Variants in RECQL observed in about 807,000 individuals in gnomAD.
RECQL encodes the protein ATP-dependent DNA helicase Q1.
RECQL carries 73 observed loss-of-function variants against 75.8 expected under a neutral mutation model. The observed-to-expected ratio is 0.96, with a 90% confidence interval of 0.80 to 1.17. RECQL has a LOEUF of 1.17. Among genes scored for constraint, RECQL ranks in the 50% most tolerant of loss-of-function variants. The pLI, the probability that RECQL is intolerant of heterozygous loss-of-function variation, is 0.00. For synonymous variants in RECQL, 248 were observed against 254.4 expected, an observed-to-expected ratio of 0.97 and a Z score of 0.24; for missense variants, 699 against 772.1, an observed-to-expected ratio of 0.91 and a Z score of 1.12.
At chr12:21,475,643 A>G (rs759921601) in intron 9 of RECQL, 33 bp downstream of exon 9, 1 of 1,610,492 alleles carries the variant, frequency 6.2e-7, no homozygotes. Context: ...TTTTAAAGGT[A>G]AATTAGGCTT....
intron 6 of RECQL, among the ~76,000 whole-genome samples, chr12:21,478,634 G>C (rs149382779): frequency 6.6e-5 from 10 of 152,212 alleles, no homozygotes; most frequent in Non-Finnish European, 1.5e-4. Context: ...TCAGATAACA[G>C]CAAGCAGTTC....
chr12:21,491,520 T>G lies in RECQL; in HGVS notation c.213A>C (p.Glu71Asp). ...AAAAAAAAAAAAAAAAAAGTTAACC[T>G]TCTTTATTCCAAGCGGCAGGTGAAG... is the stretch of plus-strand genomic sequence containing the variant. ...YDSSPAAWNK[E>D]DFPWSGKVKD... The change falls in exon 3 of 15, where the codon GAA (glutamate) becomes GAC (aspartate). Residue 71 changes from glutamate (E) to aspartate (D), a missense_variant and splice_region_variant. This residue lies in a region of RECQL where 669 missense variants were observed against 713.5 expected (regional missense o/e 0.94). Coordinates refer to ENST00000444129, the MANE Select transcript of RECQL (RefSeq NM_002907.4). 3.2e-6 allele frequency: 5 copies of G among 1,567,238 alleles called. No homozygotes were observed. The highest frequency in any genetic ancestry group is 4.3e-6 in the Non-Finnish European group (5 of 1,164,618).
At chr12:21,475,233 T>C (rs1203282785) in intron 10 of RECQL, among the ~76,000 whole-genome samples, 1 of 151,968 alleles carries the variant, frequency 6.6e-6, no homozygotes, top group Non-Finnish European at 1.5e-5. Context: ...AATTAAAAAT[T>C]CAGGAGGCAA....
At chr12:21,476,531 C>T (rs143216464) in intron 8 of RECQL, among the ~76,000 whole-genome samples, 6 of 152,174 alleles carry the variant, frequency 3.9e-5, no homozygotes, top group East Asian at 1.9e-4. Flanking sequence ...ATTGCTTTAA[C>T]GTGTCCTTTA....
intron 8 of RECQL, 53 bp from the exon 9 acceptor site, chr12:21,475,877 T>C (rs1476426441): frequency 1.1e-5 from 15 of 1,419,568 alleles, no homozygotes; most frequent in Admixed American, 1.7e-5. Context: ...TCCTGGAAGA[T>C]GGTTTTCAAC....
chr12:21,491,433 A>G, intron 3 of RECQL, 86 bp downstream of exon 3: 2 of 1,318,722 alleles, frequency 1.5e-6, no homozygotes, highest in Non-Finnish European at 1.0e-6. Context: ...GCCTACTGGA[A>G]AGCACTGTCC....
Position 21,470,191 on chromosome 12 carries a change from A to T in RECQL, c.*3T>A, listed in dbSNP as rs368836874. On this transcript the variant is annotated 3_prime_UTR_variant, in exon 15 of 15. Coordinates refer to ENST00000444129, the MANE Select transcript of RECQL (RefSeq NM_002907.4). ...TTAATTAGAAAATTTAGTAACATTC[A>T]TATCAGGCATCATCGATTTTTCTTT... is the stretch of plus-strand genomic sequence containing the variant. The T allele has an allele frequency of 6.2e-7, 1 of 1,611,474 alleles. No individual in the cohort carries two copies. Among genetic ancestry groups the T allele is most frequent in the Non-Finnish European group, 8.5e-7 (1 of 1,178,432 alleles).
chr12:21,470,674 A>G (rs1388004770), intron 14 of RECQL: 15 of 305,742 alleles, frequency 4.9e-5, no homozygotes, highest in Non-Finnish European at 7.1e-5. Flanking sequence ...CTTCTCAACT[A>G]TTAGTAATCA....
chr12:21,475,314 T>G (rs1943062764), intron 10 of RECQL, among the ~76,000 whole-genome samples, 154 bp downstream of exon 10: 1 of 152,008 alleles, frequency 6.6e-6, no homozygotes, highest in South Asian at 2.1e-4. Context: ...AGTAAAAATT[T>G]CTCCATATGC....
At chr12:21,501,014 T>A (rs141739288) in intron 1 of RECQL, among the ~76,000 whole-genome samples, 156 bp downstream of exon 1, 1 of 152,124 alleles carries the variant, frequency 6.6e-6, no homozygotes, top group African/African-American at 2.4e-5. Flanking sequence ...CAGCCAGTCA[T>A]CAATGTTGGA....
Position 21,474,968 on chromosome 12 carries a change from TG to T in RECQL, c.1227del (p.Asp409GlufsTer2), listed in dbSNP as rs778318762. ...YQESGRAGRDDMKADCILYYG... is the reference protein window; with the variant it reads ...YQESGRAGRDXMKADCILYYG... ...TAGTACAAAATACAGTCTGCTTTCATGTCATCTCGACCTGTGGTGTGAGAAA... is the reference window on the plus strand; with the variant it reads ...TAGTACAAAATACAGTCTGCTTTCATTCATCTCGACCTGTGGTGTGAGAAA... On this transcript the variant is annotated frameshift_variant, in exon 11 of 15. Coordinates refer to ENST00000444129, the MANE Select transcript of RECQL (RefSeq NM_002907.4). LOFTEE classifies it high-confidence loss of function. The T allele has an allele frequency of 1.2e-6, 2 of 1,612,702 alleles. No homozygotes were observed. The highest frequency in any genetic ancestry group is 3.3e-5 in the Admixed American group (2 of 59,896).
chr12:21,469,199 A>C lies in RECQL; in HGVS notation c.*995T>G, dbSNP rs1942864575. On this transcript the variant is annotated 3_prime_UTR_variant, in exon 15 of 15. Transcript: ENST00000444129. ...ATGTAGCAATATCTCGTTTGCTAAT[A>C]TTTATATTGATGACTTACTCCTTTT... 6.2e-6 allele frequency: 1 copy of C among 160,954 alleles called. No individual in the cohort carries two copies. Among genetic ancestry groups the C allele is most frequent in the Non-Finnish European group, 1.4e-5 (1 of 73,628 alleles). The allele number at this position is 160,954 out of a possible 1,614,324, so 10.0% of individuals were successfully genotyped here.
chr12:21,472,906 A>G (rs1270788679), intron 12 of RECQL, among the ~76,000 whole-genome samples: 1 of 152,146 alleles, frequency 6.6e-6, no homozygotes, highest in African/African-American at 2.4e-5. Flanking sequence ...CTTTTCTTAT[A>G]GAATAGCATT....
At chr12:21,471,232 A>G (rs1300818704) in intron 13 of RECQL, 134 bp from the exon 14 acceptor site, 2 of 1,060,474 alleles carry the variant, frequency 1.9e-6, no homozygotes, top group East Asian at 2.7e-5. Context: ...AAGAATGCAA[A>G]TAAAGCCTTT....
chr12:21,498,952 T>C (rs1013716067), intron 2 of RECQL, among the ~76,000 whole-genome samples: 3 of 152,196 alleles, frequency 2.0e-5, no homozygotes, highest in African/African-American at 7.2e-5. Flanking sequence ...GTTTTTCCTT[T>C]TATTTGGTCC....
rs1444054300 is a variant in RECQL, at chr12:21,469,302, A to G, written c.*892T>C. ...CAACTCTAGCCCACGGGTCTAATGC[A>G]GCCCAGAACAGCTTTGAATGCAGCC... is the stretch of plus-strand genomic sequence containing the variant. On this transcript the variant is annotated 3_prime_UTR_variant, in exon 15 of 15. Coordinates refer to ENST00000444129, the MANE Select transcript of RECQL (RefSeq NM_002907.4). 1.3e-5 allele frequency: 2 copies of G among 152,980 alleles called. No individual in the cohort carries two copies. Among genetic ancestry groups the G allele is most frequent in the Admixed American group, 6.5e-5 (1 of 15,328 alleles). 9.5% of individuals were successfully genotyped at this position (152,980 alleles called of 1,614,324 possible). A position where few individuals can be genotyped will look rare whatever the true frequency, so the allele number is the denominator to read the frequency against.
At chr12:21,479,847 T>C (rs1943159650) in intron 6 of RECQL, among the ~76,000 whole-genome samples, 1 of 152,160 alleles carries the variant, frequency 6.6e-6, no homozygotes, top group Admixed American at 6.5e-5. Context: ...GAGACATACA[T>C]GAACCTACAG....
Position 21,475,759 on chromosome 12 carries a change from T to C in RECQL, c.1015A>G (p.Ile339Val), listed in dbSNP as rs1275973889. Residue 339 changes from isoleucine (I) to valine (V), a missense_variant, in exon 9 of 15, where the codon ATT (isoleucine) becomes GTT (valine). This residue lies in a region of RECQL where 669 missense variants were observed against 713.5 expected (regional missense o/e 0.94). Coordinates refer to ENST00000444129, the MANE Select transcript of RECQL (RefSeq NM_002907.4). ...TTGGCATGGTAAGCACCTGCATGAATTCCCAGATTCTGCAAACTAACCGTA... is the reference window on the plus strand; with the variant it reads ...TTGGCATGGTAAGCACCTGCATGAACTCCCAGATTCTGCAAACTAACCGTA... ...QVTVSLQNLG[I>V]HAGAYHANLE... is the part of the protein sequence containing the mutation. 1 of 1,613,290 alleles carries C rather than the reference T, an allele frequency of 6.2e-7. No homozygotes were observed. The highest frequency in any genetic ancestry group is 2.2e-5 in the East Asian group (1 of 44,852).
intron 8 of RECQL, among the ~76,000 whole-genome samples, chr12:21,476,669 G>C (rs984629027): frequency 3.3e-5 from 5 of 152,056 alleles, no homozygotes; most frequent in Non-Finnish European, 5.9e-5. Context: ...CTATTCTAAA[G>C]CAAGTGTAAA....
Sources: allele counts gnomAD v4.1 joint callset (sites outside exome capture counted in the v4.1 genomes callset), GRCh38; gene constraint gnomAD v4.1.1; regional missense constraint gnomAD v4.1.1; transcripts MANE v1.5; gene names NCBI Gene and HGNC (gene_info 2026-07-23, HGNC 2026-07-21).